SLC24A2: variants seen among roughly 807,000 people sequenced by gnomAD.
The protein encoded by SLC24A2 is solute carrier family 24 member 2, also known as sodium/potassium/calcium exchanger 2.
A neutral mutation model predicts 62.0 loss-of-function variants in SLC24A2; 36 were observed. That is an observed-to-expected ratio of 0.58 (90% CI 0.44 to 0.77). The LOEUF (loss-of-function observed/expected upper bound fraction) is 0.77. Ranked by LOEUF, SLC24A2 falls within the 30% of genes least tolerant of loss-of-function variation. The probability of loss-of-function intolerance (pLI) is 0.00; values close to 1 mark genes in which losing one functional copy is unlikely to be tolerated. For missense variants in SLC24A2, 846 were observed against 817.9 expected (o/e 1.03, Z -0.42); for synonymous variants, 358 against 294.0 (o/e 1.22, Z -2.23).
the SLC24A2 span, among the ~76,000 whole-genome samples, chr9:19,856,815 G>C: frequency 6.6e-6 from 1 of 152,184 alleles, no homozygotes; most frequent in African/African-American, 2.4e-5. Flanking sequence ...GCTGCCCCAT[G>C]GTGGATCGGT....
chr9:20,295,858 A>G, the SLC24A2 span, among the ~76,000 whole-genome samples: 9 of 152,286 alleles, frequency 5.9e-5, no homozygotes, highest in Admixed American at 5.9e-4. Flanking sequence ...GGAACTTCTC[A>G]GCCTCCATAA....
chr9:20,028,715 C>T, the SLC24A2 span, among the ~76,000 whole-genome samples: 3 of 152,206 alleles, frequency 2.0e-5, no homozygotes, highest in African/African-American at 7.2e-5. Context: ...CAATCTCAGG[C>T]CCACCTGCGG....
At chr9:20,297,607 G>A in the SLC24A2 span, among the ~76,000 whole-genome samples, 1 of 152,196 alleles carries the variant, frequency 6.6e-6, no homozygotes, top group South Asian at 2.1e-4. Flanking sequence ...GGCAATGGCA[G>A]CCCCCACCTA....
At chr9:20,201,446 C>A in the SLC24A2 span, among the ~76,000 whole-genome samples, 2 of 152,042 alleles carry the variant, frequency 1.3e-5, no homozygotes, top group African/African-American at 4.8e-5. Flanking sequence ...TCTGTGATAA[C>A]AGAGACCAAG....
At chr9:20,005,131 T>C in the SLC24A2 span, among the ~76,000 whole-genome samples, 1 of 152,166 alleles carries the variant, frequency 6.6e-6, no homozygotes, top group Non-Finnish European at 1.5e-5. Context: ...GAGAAAAGTG[T>C]CTTTAATTGT....
upstream of SLC24A2, among the ~76,000 whole-genome samples, chr9:19,792,579 G>T (rs1410950361): frequency 6.6e-6 from 1 of 151,232 alleles, no homozygotes; most frequent in Non-Finnish European, 1.5e-5. Context: ...GTGGTGGCAG[G>T]TGCCTGTAAT....
chr9:19,542,601 T>A (rs1246761378), intron 8 of SLC24A2, among the ~76,000 whole-genome samples: 1 of 152,232 alleles, frequency 6.6e-6, no homozygotes, highest in African/African-American at 2.4e-5. Context: ...CTTATTGAGA[T>A]ACGTTCAATC....
At chr9:19,576,563 T>C (rs1272877302) in intron 6 of SLC24A2, among the ~76,000 whole-genome samples, 1 of 152,236 alleles carries the variant, frequency 6.6e-6, no homozygotes, top group Non-Finnish European at 1.5e-5. Flanking sequence ...AAACATTAAA[T>C]GACACTGTGT....
At chr9:19,707,217 A>G (rs1217047145) in intron 2 of SLC24A2, among the ~76,000 whole-genome samples, 1 of 152,124 alleles carries the variant, frequency 6.6e-6, no homozygotes, top group African/African-American at 2.4e-5. Context: ...AAGAAGTTGA[A>G]TCTCTGAATA....
the SLC24A2 span, among the ~76,000 whole-genome samples, chr9:20,038,624 G>C: frequency 3.8e-5 from 1 of 26,566 alleles, no homozygotes; most frequent in Non-Finnish European, 7.2e-5. Context: ...GTCAGTAAAA[G>C]AAACAAACAA....
the SLC24A2 span, among the ~76,000 whole-genome samples, chr9:20,221,354 G>A: frequency 6.6e-6 from 1 of 151,966 alleles, no homozygotes; most frequent in Non-Finnish European, 1.5e-5. Flanking sequence ...TTTTAAGTTA[G>A]AACCAACAGA....
At chr9:19,745,500 A>G (rs1156491417) in intron 2 of SLC24A2, among the ~76,000 whole-genome samples, 3 of 152,108 alleles carry the variant, frequency 2.0e-5, no homozygotes, top group African/African-American at 7.2e-5. Flanking sequence ...CTCTTCCAAG[A>G]CCTAATAAAT....
the SLC24A2 span, among the ~76,000 whole-genome samples, chr9:19,957,089 C>A: frequency 6.6e-6 from 1 of 152,236 alleles, no homozygotes; most frequent in East Asian, 1.9e-4. Flanking sequence ...ACCTAATAAG[C>A]AGTGATAAAC....
the SLC24A2 span, among the ~76,000 whole-genome samples, chr9:20,257,192 C>T: frequency 6.6e-6 from 1 of 152,116 alleles, no homozygotes; most frequent in African/African-American, 2.4e-5. Context: ...CCTTGTTCAG[C>T]AGTATACACA....
At chr9:19,522,956 C>T (rs1054619658) in intron 9 of SLC24A2, among the ~76,000 whole-genome samples, 13 of 152,140 alleles carry the variant, frequency 8.5e-5, no homozygotes, top group South Asian at 2.1e-4. Flanking sequence ...CTGTTACTGT[C>T]GGCAAGTTCC....
chr9:19,910,876 C>T, the SLC24A2 span, among the ~76,000 whole-genome samples: 3 of 135,418 alleles, frequency 2.2e-5, no homozygotes, highest in East Asian at 2.1e-4. Flanking sequence ...TCTCACCAGG[C>T]AGTGAGGTCC....
the SLC24A2 span, among the ~76,000 whole-genome samples, chr9:19,829,114 T>A: frequency 6.6e-6 from 1 of 152,140 alleles, no homozygotes; most frequent in African/African-American, 2.4e-5. Flanking sequence ...CTTATCAAAT[T>A]CCCATCATGG....
At chr9:20,298,488 C>T in the SLC24A2 span, among the ~76,000 whole-genome samples, 2 of 152,202 alleles carry the variant, frequency 1.3e-5, no homozygotes. Flanking sequence ...CTCGGCCTCC[C>T]AAAGTGCTGG....
At chr9:20,142,928 G>A in the SLC24A2 span, among the ~76,000 whole-genome samples, 1 of 152,162 alleles carries the variant, frequency 6.6e-6, no homozygotes, top group Non-Finnish European at 1.5e-5. Flanking sequence ...AAGAAGGAAG[G>A]AGGTCATCTG....
Sources: allele counts gnomAD v4.1 joint callset (sites outside exome capture counted in the v4.1 genomes callset), GRCh38; gene constraint gnomAD v4.1.1; transcripts MANE v1.5; gene names NCBI Gene and HGNC (gene_info 2026-07-23, HGNC 2026-07-21).